The following DLGAP2 variants were observed in gnomAD, a reference collection of about 807,000 sequenced individuals.
DLGAP2 encodes the protein DLG associated protein 2.
Under a neutral mutation model 100.3 loss-of-function variants are expected in DLGAP2, and 26 were observed. The ratio of observed to expected loss-of-function variants is 0.26; its 90% CI spans 0.19 to 0.36. DLGAP2 has a LOEUF of 0.36. DLGAP2 is among the 10% of genes least tolerant of loss of function. The pLI is 1.00. For synonymous variants in DLGAP2, 886 were observed against 630.1 expected, an observed-to-expected ratio of 1.41 and a Z score of -6.08; for missense variants, 1,858 against 1,453.2, an observed-to-expected ratio of 1.28 and a Z score of -4.53.
chr8:1,587,851 A>G (rs1796171464), intron 6 of DLGAP2, among the ~76,000 whole-genome samples: 1 of 152,126 alleles, frequency 6.6e-6, no homozygotes, highest in Non-Finnish European at 1.5e-5. Context: ...TTCCATTTCT[A>G]ATTATATGAA....
intron 2 of DLGAP2, among the ~76,000 whole-genome samples, chr8:1,004,466 C>G (rs1023160942): frequency 1.3e-5 from 2 of 152,130 alleles, no homozygotes; most frequent in South Asian, 4.1e-4. Context: ...TTTGGCTTGA[C>G]TTGGAGTATT....
At chr8:1,427,257 T>C (rs1563140028) in intron 3 of DLGAP2, among the ~76,000 whole-genome samples, 1 of 152,144 alleles carries the variant, frequency 6.6e-6, no homozygotes, top group Non-Finnish European at 1.5e-5. Context: ...AAGGAATTGC[T>C]CAAGCAGACA....
At chr8:1,197,187 C>T (rs909838740) in intron 2 of DLGAP2, among the ~76,000 whole-genome samples, 3 of 152,152 alleles carry the variant, frequency 2.0e-5, no homozygotes, top group South Asian at 2.1e-4. Context: ...CAGACACACA[C>T]GGAAGTCATG....
chr8:1,541,534 T>G (rs1387325152), intron 4 of DLGAP2, among the ~76,000 whole-genome samples: 1 of 152,182 alleles, frequency 6.6e-6, no homozygotes, highest in East Asian at 1.9e-4. Context: ...AGCCTCGGTT[T>G]AAAGCCCTTT....
chr8:1,634,718 A>C (rs935851701), intron 8 of DLGAP2, among the ~76,000 whole-genome samples: 4 of 152,240 alleles, frequency 2.6e-5, no homozygotes, highest in Non-Finnish European at 5.9e-5. Flanking sequence ...CATAGTCTTC[A>C]GAAATGCTTT....
intron 2 of DLGAP2, among the ~76,000 whole-genome samples, chr8:963,051 C>G (rs1233024790): frequency 6.6e-6 from 1 of 152,212 alleles, no homozygotes; most frequent in Non-Finnish European, 1.5e-5. Flanking sequence ...TCATCCGGGA[C>G]TGTGTGGGCT....
intron 8 of DLGAP2, among the ~76,000 whole-genome samples, chr8:1,657,009 G>C (rs968703681): frequency 6.6e-6 from 1 of 152,028 alleles, no homozygotes. Context: ...AAAATCATCA[G>C]GGATTTTATA....
intron 2 of DLGAP2, among the ~76,000 whole-genome samples, chr8:1,011,333 G>A (rs1470478311): frequency 1.5e-4 from 23 of 150,020 alleles, no homozygotes; most frequent in African/African-American, 5.6e-4. Context: ...GGAATGAGGG[G>A]TCTCAGTCTG....
At chr8:1,301,334 T>C (rs756853485) in intron 3 of DLGAP2, 1 of 152,290 alleles carries the variant, frequency 6.6e-6, no homozygotes, top group South Asian at 2.1e-4. Context: ...CTGGGCATCA[T>C]GCTCGAGCTC....
chr8:1,305,763 A>G (rs1800474822), intron 3 of DLGAP2, among the ~76,000 whole-genome samples: 1 of 152,206 alleles, frequency 6.6e-6, no homozygotes, highest in Non-Finnish European at 1.5e-5. Flanking sequence ...TTCCTTCAGT[A>G]AATCAGGACA....
intron 2 of DLGAP2, among the ~76,000 whole-genome samples, chr8:1,142,954 G>A (rs115759911): frequency 1.2e-3 from 180 of 151,972 alleles, no homozygotes; most frequent in African/African-American, 4.2e-3. Flanking sequence ...TGTTCTCATA[G>A]AGACTTTCCC....
intron 1 of DLGAP2, among the ~76,000 whole-genome samples, chr8:803,594 A>C (rs952757261): frequency 6.6e-6 from 1 of 151,980 alleles, no homozygotes; most frequent in Non-Finnish European, 1.5e-5. Flanking sequence ...CACGCCCGGC[A>C]TTCTGCTTTT....
chr8:808,877 C>G (rs1796317749), intron 1 of DLGAP2, among the ~76,000 whole-genome samples: 2 of 149,856 alleles, frequency 1.3e-5, no homozygotes, highest in Admixed American at 6.6e-5. Flanking sequence ...TAGTACCTTT[C>G]ACATTGGATG....
At chr8:1,614,486 G>T (rs1460691189) in intron 6 of DLGAP2, among the ~76,000 whole-genome samples, 1 of 152,200 alleles carries the variant, frequency 6.6e-6, no homozygotes, top group African/African-American at 2.4e-5. Flanking sequence ...TGCCATTGAC[G>T]GCTTGGACCC....
intron 3 of DLGAP2, among the ~76,000 whole-genome samples, chr8:1,490,145 C>G (rs1433416003): frequency 6.6e-6 from 1 of 152,166 alleles, no homozygotes; most frequent in Non-Finnish European, 1.5e-5. Flanking sequence ...CTGCCTCAGC[C>G]TCCCAAAGTG....
rs142910448 is a variant in DLGAP2, at chr8:1,624,871, C to CTCTCTCTCTT, written c.1443-1860_1443-1859insTTCTCTCTCT. On this transcript the variant is annotated intron_variant, in intron 6 of 14. Coordinates refer to ENST00000637795, the MANE Select transcript of DLGAP2 (RefSeq NM_001346810.2). ...TCTCTCTCTCTCTCTCTCTCTCTGTCTCTCTCTCTCTCTCTTTCCTTTTTT... is the reference window on the plus strand; with the variant it reads ...TCTCTCTCTCTCTCTCTCTCTCTGTCTCTCTCTCTTTCTCTCTCTCTCTCTTTCCTTTTTT... Among the ~76,000 whole-genome samples the CTCTCTCTCTT allele has an allele frequency of 6.4e-4, 93 of 146,350 alleles. 1 individual carries two copies. The highest frequency in any genetic ancestry group is 7.2e-3 in the Middle Eastern group (2 of 278).
At chr8:1,553,987 T>C (rs1801870578) in intron 5 of DLGAP2, among the ~76,000 whole-genome samples, 1 of 152,190 alleles carries the variant, frequency 6.6e-6, no homozygotes, top group African/African-American at 2.4e-5. Flanking sequence ...ACAATAAGCA[T>C]TTAAAAGGCT....
At chr8:1,454,023 G>A (rs1470996762) in intron 3 of DLGAP2, among the ~76,000 whole-genome samples, 1 of 152,256 alleles carries the variant, frequency 6.6e-6, no homozygotes, top group East Asian at 1.9e-4. Flanking sequence ...GGGATCCGCT[G>A]AAAGGCAGAG....
At chr8:1,249,820 TA>T (rs2116877760) in intron 2 of DLGAP2, among the ~76,000 whole-genome samples, 1 of 152,294 alleles carries the variant, frequency 6.6e-6, no homozygotes, top group South Asian at 2.1e-4. Flanking sequence ...AGTGAGCACA[TA>T]TTTGGGTTGA....
Sources: gnomAD v4.1 joint callset for allele counts (sites outside exome capture counted in the v4.1 genomes callset) on GRCh38, gnomAD v4.1.1 for gene constraint, MANE v1.5 for transcripts, NCBI Gene and HGNC (gene_info 2026-07-23, HGNC 2026-07-21) for gene names.